NFAT5: variants seen among roughly 807,000 people sequenced by gnomAD.
NFAT5 encodes nuclear factor of activated T-cells 5.
NFAT5 carries 31 observed loss-of-function variants against 166.5 expected under a neutral mutation model. The ratio of observed to expected loss-of-function variants is 0.19; its 90% CI spans 0.14 to 0.25. The LOEUF is 0.25. Among genes scored for constraint, NFAT5 ranks in the 10% least tolerant of loss-of-function variants. The pLI is 1.00. For synonymous variants in NFAT5, 612 were observed against 639.7 expected (o/e 0.96, Z 0.65); for missense variants, 1,449 against 1,821.8 (o/e 0.80, Z 3.72).
chr16:69,647,424 G>A lies in NFAT5; in HGVS notation c.650G>A (p.Arg217His). Residue 217 changes from arginine (R) to histidine (H), a missense_variant, in exon 4 of 15, where the codon CGT (arginine) becomes CAT (histidine). Physicochemically the swap from Arg to His is conservative, Grantham distance 29. Coordinates refer to ENST00000349945, the MANE Select transcript of NFAT5 (RefSeq NM_138713.4). This position sits in a 1 kb window ranked among gnomAD's most constrained non-coding sequence, Gnocchi z 4.8. ...TACAATGATAACACTGAGGTACCTCGTAAATCACGAAAACGAAATCCAAAG... is the reference window on the plus strand; with the variant it reads ...TACAATGATAACACTGAGGTACCTCATAAATCACGAAAACGAAATCCAAAG... ...SSYNDNTEVP[R>H]KSRKRNPKQR... The A allele has an allele frequency of 1.2e-6, 2 of 1,614,102 alleles. No homozygotes were observed. The highest frequency in any genetic ancestry group is 1.7e-6 in the Non-Finnish European group (2 of 1,180,028).
At chr16:69,587,788 G>C (rs1181274644) in intron 2 of NFAT5, among the ~76,000 whole-genome samples, 2 of 152,116 alleles carry the variant, frequency 1.3e-5, no homozygotes, top group Non-Finnish European at 2.9e-5. Flanking sequence ...GAGAATAAAT[G>C]AGAGAATAGG....
At chr16:69,665,244 T>A (rs552174069) in intron 7 of NFAT5, among the ~76,000 whole-genome samples, 54 of 151,322 alleles carry the variant, frequency 3.6e-4, no homozygotes, top group Non-Finnish European at 7.4e-4. Context: ...AAGCATTCCC[T>A]TTGAAAACTG....
chr16:69,652,249 C>G (rs1187984798), intron 4 of NFAT5, among the ~76,000 whole-genome samples: 1 of 151,686 alleles, frequency 6.6e-6, no homozygotes, highest in Admixed American at 6.6e-5. Flanking sequence ...GTCAGGAGTT[C>G]GAGACCAGCC....
chr16:69,602,094 A>G (rs1034660375), intron 2 of NFAT5, among the ~76,000 whole-genome samples: 1 of 149,626 alleles, frequency 6.7e-6, no homozygotes, highest in Non-Finnish European at 1.5e-5. Flanking sequence ...TTTCCAGTCT[A>G]TTAAATAAAG....
At position 69,693,895 on chromosome 16, in the gene NFAT5, C is replaced by G. The variant is rs761941499; in HGVS notation, c.4070C>G (p.Pro1357Arg). 1 of 1,614,072 alleles carries G rather than the reference C, an allele frequency of 6.2e-7. No individual in the cohort carries two copies. Among genetic ancestry groups the G allele is most frequent in the East Asian group, 2.2e-5 (1 of 44,898 alleles). Residue 1357 changes from proline (P) to arginine (R), a missense_variant, in exon 13 of 15, where the codon CCA becomes CGA. Physicochemically the swap from Pro to Arg is moderately radical, Grantham distance 103 (BLOSUM62 -2). Transcript: ENST00000349945. ...TCCACAGTTTCCTCACTTCAGAACCCAGGTCCTACCCAGTCGGAATCATCA... is the reference window on the plus strand; with the variant it reads ...TCCACAGTTTCCTCACTTCAGAACCGAGGTCCTACCCAGTCGGAATCATCA... ...SQSTVSSLQN[P>R]GPTQSESSQT... is the part of the protein sequence containing the mutation.
At chr16:69,659,962 T>A in intron 7 of NFAT5, 63 bp downstream of exon 7, 1 of 1,335,090 alleles carries the variant, frequency 7.5e-7, no homozygotes, top group East Asian at 2.4e-5. Flanking sequence ...GTTAATCTTT[T>A]AGACATCTCT....
chr16:69,597,940 G>GT (rs1435174503), intron 2 of NFAT5, among the ~76,000 whole-genome samples: 1 of 152,180 alleles, frequency 6.6e-6, no homozygotes, highest in Non-Finnish European at 1.5e-5. Context: ...GATTACCCTT[G>GT]CTAGGCCTTA....
At chr16:69,589,152 G>A (rs1178155444) in intron 2 of NFAT5, among the ~76,000 whole-genome samples, 3 of 151,840 alleles carry the variant, frequency 2.0e-5, no homozygotes, top group Non-Finnish European at 4.4e-5. Flanking sequence ...GTGCCACCAC[G>A]CCCGGCTAAT....
In NFAT5 at chr16:69,696,402, C is replaced by T. The variant is rs566177642; in HGVS notation, c.*51C>T. On this transcript the variant is annotated 3_prime_UTR_variant, in exon 15 of 15. Coordinates refer to ENST00000349945, the MANE Select transcript of NFAT5 (RefSeq NM_138713.4). ...TCCTGATTCCAAGATGTCCTGAGAT[C>T]TTGTGGTTCCATGAGAATTATTACT... 1 of 152,532 alleles carries T rather than the reference C, an allele frequency of 6.6e-6. No homozygotes were observed. Among genetic ancestry groups the T allele is most frequent in the Non-Finnish European group, 1.5e-5 (1 of 68,010 alleles). The allele number at this position is 152,532 out of a possible 1,614,324, so 9.4% of individuals were successfully genotyped here.
intron 2 of NFAT5, among the ~76,000 whole-genome samples, chr16:69,587,352 A>G (rs531529704): frequency 7.5e-6 from 1 of 133,634 alleles, no homozygotes; most frequent in South Asian, 2.5e-4. Flanking sequence ...CTAGGATTAC[A>G]GGTGTGAGCC....
rs1056483005 is a variant in NFAT5, at chr16:69,697,401, G to A, written c.*1050G>A. 5.3e-5 allele frequency: 8 copies of A among 151,796 alleles called. No individual in the cohort carries two copies. The highest frequency in any genetic ancestry group is 1.0e-4 in the Non-Finnish European group (7 of 67,970). 9.4% of individuals were successfully genotyped at this position (151,796 alleles called of 1,614,324 possible). A position where few individuals can be genotyped will look rare whatever the true frequency, so the allele number is the denominator to read the frequency against. On this transcript the variant is annotated 3_prime_UTR_variant, in exon 15 of 15. Coordinates refer to ENST00000349945, the MANE Select transcript of NFAT5 (RefSeq NM_138713.4). Reference sequence around the variant, plus strand: ...AAACAACACATTTTTCCCCATGAACGGTGCTGTTCTGAAGTCTTCAAATTT... The same window carrying A: ...AAACAACACATTTTTCCCCATGAACAGTGCTGTTCTGAAGTCTTCAAATTT...
intron 11 of NFAT5, among the ~76,000 whole-genome samples, chr16:69,687,819 T>C (rs2037371189): frequency 1.3e-5 from 2 of 152,288 alleles, no homozygotes; most frequent in South Asian, 4.1e-4. Flanking sequence ...AAAAATACTA[T>C]TAATAAAAAT....
chr16:69,651,533 A>G (rs888122002), intron 4 of NFAT5, among the ~76,000 whole-genome samples: 2 of 152,122 alleles, frequency 1.3e-5, no homozygotes, highest in African/African-American at 2.4e-5. Flanking sequence ...TAATATTCCT[A>G]CTGGAATCTG....
At chr16:69,650,889 T>C (rs1234804267) in intron 4 of NFAT5, among the ~76,000 whole-genome samples, 2 of 152,200 alleles carry the variant, frequency 1.3e-5, no homozygotes, top group African/African-American at 4.8e-5. Flanking sequence ...CAGAATATCA[T>C]AGACTTTCAT....
chr16:69,663,461 G>T (rs2036233077), intron 7 of NFAT5, among the ~76,000 whole-genome samples: 1 of 151,342 alleles, frequency 6.6e-6, no homozygotes, highest in South Asian at 2.1e-4. Flanking sequence ...TCAGCTAGGT[G>T]CAGTGGCACG....
chr16:69,653,469 A>G (rs1030059575), intron 5 of NFAT5, 41 bp downstream of exon 5: 1 of 1,243,674 alleles, frequency 8.0e-7, no homozygotes, highest in Non-Finnish European at 1.1e-6. Flanking sequence ...GTTAAAATGT[A>G]AAGGGGAATG....
Position 69,693,496 on chromosome 16 carries a change from A to C in NFAT5, c.3671A>C (p.Gln1224Pro). ...LSQEQAQPPQ[Q>P]GLFQPQVALG... is the part of the protein sequence containing the mutation. ...CAAGAACAGGCACAACCCCCGCAGC[A>C]GGGTTTATTTCAGCCTCAGGTGGCC... The change falls in exon 13 of 15, where the codon CAG (glutamine) becomes CCG (proline). Residue 1224 changes from glutamine (Q) to proline (P), a missense_variant. Around this residue, in one of 7 missense-constraint regions of NFAT5, gnomAD observed 891 missense variants for 993.0 expected, o/e 0.90. Transcript: ENST00000349945. 1 of 1,614,174 alleles carries C rather than the reference A, an allele frequency of 6.2e-7. No homozygotes were observed. Among genetic ancestry groups the C allele is most frequent in the Non-Finnish European group, 8.5e-7 (1 of 1,180,040 alleles).
intron 3 of NFAT5, among the ~76,000 whole-genome samples, chr16:69,638,613 G>GT (rs2035070552): frequency 6.6e-6 from 1 of 151,216 alleles, no homozygotes; most frequent in Non-Finnish European, 1.5e-5. Context: ...GTGGGCGCCT[G>GT]TAATCCCAGC....
chr16:69,682,294 A>ATT lies in NFAT5; in HGVS notation c.1691-2580_1691-2579dup, dbSNP rs60855092. On this transcript the variant is annotated intron_variant, in intron 10 of 14. Transcript: ENST00000349945. ...AAGAAATGGGAATGTAATATTTAAC[A>ATT]TTTTTTTTTTTTTTCTAAAAAAGAA... Among the ~76,000 whole-genome samples the ATT allele has an allele frequency of 4.3e-3, 626 of 145,248 alleles. 4 individuals are homozygous for ATT. Among genetic ancestry groups the ATT allele is most frequent in the African/African-American group, 0.013 (518 of 39,442 alleles).
Sources: gnomAD v4.1 joint callset for allele counts (sites outside exome capture counted in the v4.1 genomes callset) on GRCh38, gnomAD v4.1.1 for gene constraint, gnomAD v4.1.1 regional missense constraint, Gnocchi (gnomAD v3.1) non-coding constraint, MANE v1.5 for transcripts, NCBI Gene and HGNC (gene_info 2026-07-23, HGNC 2026-07-21) for gene names.